The following RAD51B variants were observed in gnomAD, a reference collection of about 807,000 sequenced individuals.
The protein encoded by RAD51B is DNA repair protein RAD51 homolog 2.
In RAD51B, 38 loss-of-function variants were observed where a neutral mutation model predicts 42.2. The observed-to-expected ratio is 0.90, with a 90% CI of 0.70 to 1.18. The LOEUF (loss-of-function observed/expected upper bound fraction) is 1.18, where lower values mean the gene tolerates loss of function less well. RAD51B is among the 50% of genes most tolerant of loss of function. RAD51B has a pLI of 0.00. For missense variants in RAD51B, 373 were observed against 400.7 expected (o/e 0.93, Z 0.59); for synonymous variants, 154 against 145.2 (o/e 1.06, Z -0.43).
At chr14:68,178,352 C>T (rs2078999123) in intron 7 of RAD51B, among the ~76,000 whole-genome samples, 1 of 152,132 alleles carries the variant, frequency 6.6e-6, no homozygotes, top group African/African-American at 2.4e-5. Context: ...TATCACTTCC[C>T]ACTTTACAGT....
At chr14:68,081,901 A>G (rs2076917826) in intron 7 of RAD51B, among the ~76,000 whole-genome samples, 1 of 151,950 alleles carries the variant, frequency 6.6e-6, no homozygotes, top group African/African-American at 2.4e-5. Flanking sequence ...AGTGATAAAT[A>G]CTTATTTTTT....
intron 11 of RAD51B, among the ~76,000 whole-genome samples, chr14:68,680,874 C>A (rs116669481): frequency 6.6e-6 from 1 of 151,946 alleles, no homozygotes; most frequent in East Asian, 1.9e-4. Flanking sequence ...TTAAACTTGG[C>A]AAGCAGATGA....
chr14:68,056,128 A>C (rs1309784466), intron 7 of RAD51B, among the ~76,000 whole-genome samples: 1 of 152,120 alleles, frequency 6.6e-6, no homozygotes, highest in African/African-American at 2.4e-5. Flanking sequence ...TACTAGTCCT[A>C]GAGCTCAGTG....
chr14:68,616,084 G>C (rs1263940151), downstream of RAD51B, among the ~76,000 whole-genome samples: 1 of 151,922 alleles, frequency 6.6e-6, no homozygotes, highest in Non-Finnish European at 1.5e-5. Context: ...CTTGTCCTTT[G>C]TGCTATTGCT....
At chr14:68,167,212 C>T (rs2078771211) in intron 7 of RAD51B, among the ~76,000 whole-genome samples, 1 of 152,108 alleles carries the variant, frequency 6.6e-6, no homozygotes, top group South Asian at 2.1e-4. Context: ...CTTGAATCCT[C>T]TTATGACCTC....
chr14:68,544,918 C>A (rs911322087), intron 10 of RAD51B, among the ~76,000 whole-genome samples: 1 of 152,162 alleles, frequency 6.6e-6, no homozygotes, highest in African/African-American at 2.4e-5. Context: ...AACCAACAGA[C>A]CCCTGTGTTC....
chr14:67,875,489 A>G (rs548869961), intron 5 of RAD51B, among the ~76,000 whole-genome samples: 1 of 152,302 alleles, frequency 6.6e-6, no homozygotes, highest in East Asian at 1.9e-4. Context: ...AGATTATAAT[A>G]CCATAATTTT....
At chr14:67,989,252 T>C (rs2075247715) in intron 7 of RAD51B, among the ~76,000 whole-genome samples, 2 of 152,240 alleles carry the variant, frequency 1.3e-5, no homozygotes, top group Non-Finnish European at 2.9e-5. Flanking sequence ...GGACATAATA[T>C]AGAATTCCAT....
intron 7 of RAD51B, among the ~76,000 whole-genome samples, chr14:67,940,167 A>G (rs1224998511): frequency 7.2e-6 from 1 of 138,032 alleles, no homozygotes. Context: ...TCTGCCTCCC[A>G]GGTTCAAGCT....
At chr14:67,946,831 A>T (rs571638062) in intron 7 of RAD51B, among the ~76,000 whole-genome samples, 1 of 152,362 alleles carries the variant, frequency 6.6e-6, no homozygotes, top group South Asian at 2.1e-4. Context: ...TAAGCTTTGC[A>T]TATGTTCTCC....
downstream of RAD51B, among the ~76,000 whole-genome samples, chr14:68,615,410 A>G (rs1891805624): frequency 6.6e-6 from 1 of 151,394 alleles, no homozygotes; most frequent in Non-Finnish European, 1.5e-5. Flanking sequence ...CAGTGGCGTG[A>G]TATCTGCTCA....
intron 7 of RAD51B, among the ~76,000 whole-genome samples, chr14:68,188,413 A>G (rs746546943): frequency 2.0e-4 from 25 of 126,036 alleles, no homozygotes; most frequent in African/African-American, 3.1e-5. Context: ...CCTTTCTCCC[A>G]TCTTTCTTCT....
intron 1 of RAD51B, among the ~76,000 whole-genome samples, chr14:67,823,339 A>G (rs1199491008): frequency 2.0e-5 from 3 of 152,224 alleles, no homozygotes; most frequent in Non-Finnish European, 4.4e-5. Context: ...TGTTTGACGA[A>G]CAATTGTCCC....
intron 10 of RAD51B, among the ~76,000 whole-genome samples, chr14:68,558,360 A>G (rs1165087019): frequency 2.6e-5 from 4 of 152,246 alleles, no homozygotes; most frequent in African/African-American, 9.6e-5. Flanking sequence ...CACGAGAGCT[A>G]TACTCGCTTC....
chr14:68,573,127 T>C (rs1295695156), intron 10 of RAD51B, among the ~76,000 whole-genome samples: 2 of 152,148 alleles, frequency 1.3e-5, no homozygotes, highest in Non-Finnish European at 2.9e-5. Flanking sequence ...GGGTGAACTG[T>C]ATGTACAATG....
intron 8 of RAD51B, among the ~76,000 whole-genome samples, chr14:68,355,553 C>G (rs1387869350): frequency 1.3e-5 from 2 of 152,154 alleles, no homozygotes; most frequent in African/African-American, 4.8e-5. Flanking sequence ...TGGAACCGGA[C>G]TGAATAAAAT....
Position 68,415,062 on chromosome 14 carries a change from A to G in RAD51B, c.957+3535A>G, listed in dbSNP as rs994801623. 3.5e-5 allele frequency among the ~76,000 whole-genome samples: 5 copies of G among 144,464 alleles called. 1 individual carries two copies. The highest frequency in any genetic ancestry group is 7.6e-5 in the Non-Finnish European group (5 of 66,114). 94.8% of individuals were successfully genotyped at this position (144,464 alleles called of 152,430 possible). ...AAAAAAAAAAAAAAAAAAAAAAATCAGTGGTTCTCAAACCTGGCTGCACTT... is the reference window on the plus strand; with the variant it reads ...AAAAAAAAAAAAAAAAAAAAAAATCGGTGGTTCTCAAACCTGGCTGCACTT... On this transcript the variant is annotated intron_variant, in intron 9 of 10. Transcript: ENST00000471583.
intron 7 of RAD51B, among the ~76,000 whole-genome samples, chr14:68,199,141 C>T (rs377428840): frequency 6.6e-6 from 1 of 152,312 alleles, no homozygotes; most frequent in African/African-American, 2.4e-5. Context: ...CTTTCTCTGA[C>T]TCTTTTGACA....
chr14:68,019,529 T>A (rs2075829519), intron 7 of RAD51B, among the ~76,000 whole-genome samples: 1 of 152,310 alleles, frequency 6.6e-6, no homozygotes, highest in South Asian at 2.1e-4. Context: ...TAGATTTTTT[T>A]CAAGCAAATT....
Sources: gnomAD v4.1 joint callset for allele counts (sites outside exome capture counted in the v4.1 genomes callset) on GRCh38, gnomAD v4.1.1 for gene constraint, MANE v1.5 for transcripts, NCBI Gene and HGNC (gene_info 2026-07-23, HGNC 2026-07-21) for gene names.